Variants in TOX observed in about 807,000 individuals in gnomAD.
TOX encodes thymocyte selection-associated high mobility group box protein TOX.
TOX carries 11 observed loss-of-function variants against 53.7 expected under a neutral mutation model. The ratio of observed to expected loss-of-function variants is 0.20; its 90% confidence interval spans 0.13 to 0.34. TOX has a LOEUF of 0.34. Among genes scored for constraint, TOX ranks in the 10% least tolerant of loss-of-function variants. TOX has a pLI of 1.00. For synonymous variants in TOX, 225 were observed against 245.3 expected (o/e 0.92, Z 0.77); for missense variants, 570 against 664.6 (o/e 0.86, Z 1.56).
At chr8:58,967,015 C>T (rs1054609152) in intron 1 of TOX, among the ~76,000 whole-genome samples, 3 of 151,850 alleles carry the variant, frequency 2.0e-5, no homozygotes, top group Non-Finnish European at 4.4e-5. Flanking sequence ...GCTGGGACTA[C>T]GGGCGCCCGC....
chr8:58,837,942 A>C (rs1291407515), intron 5 of TOX, 139 bp downstream of exon 5: 3 of 693,304 alleles, frequency 4.3e-6, no homozygotes, highest in Non-Finnish European at 7.2e-6. Flanking sequence ...AACGTCTCAG[A>C]AAGTCTGGTT....
intron 1 of TOX, among the ~76,000 whole-genome samples, chr8:59,113,407 ATCC>A (rs1162032995): frequency 1.3e-5 from 2 of 152,160 alleles, no homozygotes; most frequent in African/African-American, 4.8e-5. Flanking sequence ...ACTCCACATC[ATCC>A]ATTCAGGTAG....
chr8:58,944,256 C>T (rs1812490452), intron 2 of TOX, among the ~76,000 whole-genome samples: 4 of 152,132 alleles, frequency 2.6e-5, no homozygotes. Flanking sequence ...GAGTGAACTA[C>T]CATGAGGCAT....
At chr8:58,817,582 G>T (rs564810045) in intron 6 of TOX, among the ~76,000 whole-genome samples, 1 of 152,152 alleles carries the variant, frequency 6.6e-6, no homozygotes, top group South Asian at 2.1e-4. Flanking sequence ...TTCCGTATAT[G>T]CCAGAAAGAT....
chr8:59,017,636 C>G (rs1814040322), intron 1 of TOX, among the ~76,000 whole-genome samples: 1 of 152,124 alleles, frequency 6.6e-6, no homozygotes. Context: ...AAGGAATAAA[C>G]AAGAACAATT....
intron 3 of TOX, among the ~76,000 whole-genome samples, chr8:58,929,242 C>A (rs1391968297): frequency 1.3e-5 from 2 of 151,800 alleles, no homozygotes; most frequent in African/African-American, 4.8e-5. Flanking sequence ...GACACGCTCT[C>A]TGGATGATTT....
intron 1 of TOX, among the ~76,000 whole-genome samples, chr8:59,011,968 G>T (rs545429093): frequency 6.6e-6 from 1 of 152,156 alleles, no homozygotes; most frequent in African/African-American, 2.4e-5. Flanking sequence ...AAGTTCAAGG[G>T]GACAGAAGCT....
intron 3 of TOX, among the ~76,000 whole-genome samples, chr8:58,856,509 T>A (rs1428294185): frequency 6.6e-6 from 1 of 152,176 alleles, no homozygotes; most frequent in Non-Finnish European, 1.5e-5. Flanking sequence ...GGGAACTTCT[T>A]AGTCACAAGA....
At chr8:58,946,743 G>C (rs1045858305) in intron 2 of TOX, among the ~76,000 whole-genome samples, 6 of 152,152 alleles carry the variant, frequency 3.9e-5, no homozygotes, top group African/African-American at 1.4e-4. Flanking sequence ...AAAGCAATGA[G>C]TGCCTCATTT....
At chr8:59,024,576 T>C (rs975490239) in intron 1 of TOX, among the ~76,000 whole-genome samples, 2 of 152,188 alleles carry the variant, frequency 1.3e-5, no homozygotes, top group Admixed American at 6.5e-5. Context: ...CGGCCTGACA[T>C]GGTAGCCAGC....
intron 1 of TOX, among the ~76,000 whole-genome samples, chr8:58,965,268 G>A (rs1280199988): frequency 3.3e-5 from 5 of 152,070 alleles, no homozygotes; most frequent in Non-Finnish European, 7.4e-5. Context: ...ACTCTTTATT[G>A]TGTTTTTATT....
In TOX at chr8:58,927,047, C is replaced by CT. The variant is rs10715496; in HGVS notation, c.411+12254dup. On this transcript the variant is annotated intron_variant, in intron 3 of 8. Transcript: ENST00000361421. The stretch of plus-strand genomic sequence containing the variant: ...GATGTAAATATGATCATTGTCACAC[C>CT]TTTTTTTTTTTTTTCTTTTATAGCT... 8.6e-3 allele frequency among the ~76,000 whole-genome samples: 1,254 copies of CT among 145,116 alleles called. 19 individuals carry two copies. Among genetic ancestry groups the CT allele is most frequent in the African/African-American group, 0.028 (1,107 of 39,524 alleles).
intron 1 of TOX, among the ~76,000 whole-genome samples, chr8:59,018,595 C>T (rs1170883884): frequency 1.3e-5 from 2 of 152,040 alleles, no homozygotes; most frequent in African/African-American, 4.8e-5. Flanking sequence ...ATTCTAAATC[C>T]ATATACCCCA....
At chr8:59,106,827 G>C (rs1804914172) in intron 1 of TOX, among the ~76,000 whole-genome samples, 2 of 152,102 alleles carry the variant, frequency 1.3e-5, no homozygotes, top group Non-Finnish European at 2.9e-5. Context: ...TTTTCACCAA[G>C]ATTGGGTTCA....
intron 1 of TOX, among the ~76,000 whole-genome samples, chr8:59,000,322 T>A (rs891573011): frequency 6.6e-6 from 1 of 152,198 alleles, no homozygotes; most frequent in African/African-American, 2.4e-5. Flanking sequence ...GCTATGGTTA[T>A]ACACTCTAAA....
At chr8:58,915,776 C>G (rs939266623) in intron 3 of TOX, among the ~76,000 whole-genome samples, 10 of 151,458 alleles carry the variant, frequency 6.6e-5, no homozygotes, top group Middle Eastern at 3.2e-3. Flanking sequence ...GACATTCAAA[C>G]CAAAGGCAAA....
chr8:58,996,543 C>T (rs950206643), intron 1 of TOX, among the ~76,000 whole-genome samples: 1 of 152,140 alleles, frequency 6.6e-6, no homozygotes, highest in East Asian at 1.9e-4. Flanking sequence ...GAGGCCAATG[C>T]CCCTTTCCTA....
chr8:58,820,343 T>C (rs1563362009), intron 6 of TOX, among the ~76,000 whole-genome samples: 1 of 152,088 alleles, frequency 6.6e-6, no homozygotes, highest in Non-Finnish European at 1.5e-5. Flanking sequence ...TTCCTTAAGG[T>C]AGAAACAAAA....
intron 1 of TOX, among the ~76,000 whole-genome samples, chr8:59,011,580 T>G (rs1813905448): frequency 2.8e-5 from 3 of 108,176 alleles, no homozygotes; most frequent in Non-Finnish European, 7.1e-5. Context: ...TATCTTTTTT[T>G]CAAATTAGGC....
Sources: allele counts gnomAD v4.1 joint callset (sites outside exome capture counted in the v4.1 genomes callset), GRCh38; gene constraint gnomAD v4.1.1; transcripts MANE v1.5; gene names NCBI Gene and HGNC (gene_info 2026-07-23, HGNC 2026-07-21).